ZBTB7C: variants seen among roughly 807,000 people sequenced by gnomAD.
ZBTB7C encodes zinc finger and BTB domain-containing protein 7C.
ZBTB7C carries 8 observed loss-of-function variants against 25.7 expected under a neutral mutation model. That is an observed-to-expected ratio of 0.31 (90% CI 0.18 to 0.56). The LOEUF is 0.56. ZBTB7C is among the 20% of genes least tolerant of loss of function. ZBTB7C has a pLI of 0.91. For missense variants in ZBTB7C, 824 were observed against 855.2 expected, an observed-to-expected ratio of 0.96 and a Z score of 0.46; for synonymous variants, 394 against 369.0, an observed-to-expected ratio of 1.07 and a Z score of -0.78.
At chr18:48,116,452 C>T (rs1359408735) in intron 3 of ZBTB7C, among the ~76,000 whole-genome samples, 1 of 152,222 alleles carries the variant, frequency 6.6e-6, no homozygotes, top group African/African-American at 2.4e-5. Context: ...TCCCATGCAT[C>T]CACACCAAAT....
Position 48,040,643 on chromosome 18 carries a change from CTCTTCGTCCTCCTCA to C in ZBTB7C, c.450_464del (p.Asp150_Glu154del), listed in dbSNP as rs757022072. The stretch of plus-strand genomic sequence containing the variant: ...CATCCTCCTCCTCTTCCTCCTCCTC[CTCTTCGTCCTCCTCA>C]TCATCATCATCTTCGTCGTCGTCAT... On this transcript the variant is annotated inframe_deletion, in exon 4 of 5. Transcript: ENST00000590800. 3.7e-6 allele frequency: 6 copies of C among 1,612,974 alleles called. No individual in the cohort carries two copies. In the African/African-American group the frequency reaches 4.0e-5, roughly 11 times the overall value.
chr18:48,107,104 GGAGAGAGGGGAA>G (rs1238455858), intron 3 of ZBTB7C, among the ~76,000 whole-genome samples: 6 of 151,014 alleles, frequency 4.0e-5, no homozygotes, highest in East Asian at 2.0e-4. Flanking sequence ...AGAGAGGGGA[GGAGAGAGGGGAA>G]GAGAGAGGGG....
At chr18:48,185,683 G>T (rs183202304) in intron 3 of ZBTB7C, among the ~76,000 whole-genome samples, 2 of 152,194 alleles carry the variant, frequency 1.3e-5, no homozygotes, top group East Asian at 3.9e-4. Context: ...TCGAGTCAAG[G>T]GAGTGACTCT....
intron 2 of ZBTB7C, among the ~76,000 whole-genome samples, chr18:48,304,557 C>T (rs1226577457): frequency 2.0e-5 from 3 of 152,192 alleles, no homozygotes; most frequent in African/African-American, 7.2e-5. Context: ...TGCCTGTAAT[C>T]CCAGCTACTC....
chr18:48,271,431 CAT>C (rs1452163346), intron 2 of ZBTB7C, among the ~76,000 whole-genome samples: 2 of 150,636 alleles, frequency 1.3e-5, no homozygotes, highest in African/African-American at 4.9e-5. Flanking sequence ...ATATCAAATA[CAT>C]ATTTATTTTA....
intron 2 of ZBTB7C, among the ~76,000 whole-genome samples, chr18:48,239,355 C>G (rs556684838): frequency 7.2e-4 from 109 of 152,288 alleles, no homozygotes; most frequent in African/African-American, 2.0e-3. Context: ...CTGATGCTCC[C>G]TTGAAAGTGC....
chr18:48,029,274 C>G lies in ZBTB7C; in HGVS notation c.1846G>C (p.Glu616Gln). 6.5e-7 allele frequency: 1 copy of G among 1,537,756 alleles called. No homozygotes were observed. Among genetic ancestry groups the G allele is most frequent in the Non-Finnish European group, 8.7e-7 (1 of 1,148,762 alleles). Residue 616 changes from glutamate (E) to glutamine (Q), a missense_variant, in exon 5 of 5, where the codon GAA becomes CAA. Around this residue, in one of 4 missense-constraint regions of ZBTB7C, gnomAD observed 342 missense variants for 307.0 expected, o/e 1.11. Transcript: ENST00000590800. ...CAGGGACCAGCCTAGTTGTTGGCTT[C>G]GGACATGGAGGCCACGTGGTTGAGG... Reference protein sequence around the residue: ...AGLNHVASMSEANN With the variant: ...AGLNHVASMSQANN
chr18:48,401,192 G>A lies in ZBTB7C; in HGVS notation c.-304+8034C>T, dbSNP rs1355855684. 2.6e-5 allele frequency among the ~76,000 whole-genome samples: 4 copies of A among 152,130 alleles called. 1 individual carries two copies. Among genetic ancestry groups the A allele is most frequent in the South Asian group, 4.1e-4 (2 of 4,824 alleles). ...TTTTATTCCCTGAGATAGGGTAGTCGCTTGGGGAGGAGAAGCAAGACAACA... is the reference window on the plus strand; with the variant it reads ...TTTTATTCCCTGAGATAGGGTAGTCACTTGGGGAGGAGAAGCAAGACAACA... On this transcript the variant is annotated intron_variant, in intron 1 of 4. Coordinates refer to ENST00000590800, the MANE Select transcript of ZBTB7C (RefSeq NM_001318841.2).
intron 2 of ZBTB7C, among the ~76,000 whole-genome samples, chr18:48,225,790 T>G (rs1351654046): frequency 6.6e-6 from 1 of 152,096 alleles, no homozygotes; most frequent in Non-Finnish European, 1.5e-5. Context: ...GTCACCAGGC[T>G]GGAGTGCAGT....
chr18:48,271,041 C>T (rs1268008119), intron 2 of ZBTB7C, among the ~76,000 whole-genome samples: 1 of 152,130 alleles, frequency 6.6e-6, no homozygotes, highest in East Asian at 1.9e-4. Context: ...ATAACTTTCT[C>T]AAGAAGAAAT....
At chr18:48,074,987 G>C (rs750283170) in intron 3 of ZBTB7C, among the ~76,000 whole-genome samples, 5 of 152,158 alleles carry the variant, frequency 3.3e-5, no homozygotes, top group Non-Finnish European at 5.9e-5. Context: ...GACTCCTCTA[G>C]TTAATTGAAC....
rs757520664 is a variant in ZBTB7C at position 48,389,189 on chromosome 18, ACTCTCTCTCTCTCT to A, written c.-304+20023_-304+20036del. 4.0e-3 allele frequency among the ~76,000 whole-genome samples: 259 copies of A among 64,110 alleles called. 1 individual carries two copies. The Middle Eastern group carries it at 0.043, about 11-fold the overall frequency. The allele number at this position is 64,110 out of a possible 152,430, so 42.1% of individuals were successfully genotyped here. A position where few individuals can be genotyped will look rare whatever the true frequency, so the allele number is the denominator to read the frequency against. ...ATGGAGTGATGTTCAGAGCCCTTTA[ACTCTCTCTCTCTCT>A]CTCTCTCTCTCTCTCTCTCTCTCTC... On this transcript the variant is annotated intron_variant, in intron 1 of 4. Coordinates refer to ENST00000590800, the MANE Select transcript of ZBTB7C (RefSeq NM_001318841.2).
chr18:48,387,354 T>C lies in ZBTB7C; in HGVS notation c.-304+21872A>G, dbSNP rs937156884. On this transcript the variant is annotated intron_variant, in intron 1 of 4. Coordinates refer to ENST00000590800, the MANE Select transcript of ZBTB7C (RefSeq NM_001318841.2). ...AGGAGGAGACCAGTAAGGAATGTAC[T>C]GCATTAATCTACCAAACCAGCCTCC... 5.9e-5 allele frequency among the ~76,000 whole-genome samples: 9 copies of C among 152,178 alleles called. No individual in the cohort carries two copies. The South Asian group carries it at 1.7e-3, about 28-fold the overall frequency.
intron 3 of ZBTB7C, among the ~76,000 whole-genome samples, chr18:48,049,513 T>A (rs896488305): frequency 6.6e-6 from 1 of 152,112 alleles, no homozygotes; most frequent in Non-Finnish European, 1.5e-5. Flanking sequence ...ATGAGATTGG[T>A]TCAAATAAAC....
At chr18:48,366,122 G>A (rs1474510720) in intron 1 of ZBTB7C, among the ~76,000 whole-genome samples, 1 of 152,206 alleles carries the variant, frequency 6.6e-6, no homozygotes, top group Non-Finnish European at 1.5e-5. Flanking sequence ...CCTCAATGCA[G>A]CCTACCCAGG....
chr18:48,118,523 A>G (rs2039522989), intron 3 of ZBTB7C, among the ~76,000 whole-genome samples: 1 of 152,224 alleles, frequency 6.6e-6, no homozygotes, highest in Non-Finnish European at 1.5e-5. Flanking sequence ...AAAGTTCATT[A>G]AGAAACCTGA....
rs35634878 is a variant in ZBTB7C at position 48,207,570 on chromosome 18, CATCTATCTATCT to C, written c.-78-21587_-78-21576del. Among the ~76,000 whole-genome samples the C allele has an allele frequency of 5.1e-3, 757 of 147,118 alleles. 6 individuals are homozygous for C. Among genetic ancestry groups the C allele is most frequent in the African/African-American group, 0.016 (623 of 39,818 alleles). ...TATCATCTATCTATCCACTGCCTAT[CATCTATCTATCT>C]ATCTATCTATCTATCTATCTATCTA... On this transcript the variant is annotated intron_variant, in intron 2 of 4. Transcript: ENST00000590800.
At chr18:48,235,645 C>T (rs1394827248) in intron 2 of ZBTB7C, among the ~76,000 whole-genome samples, 1 of 152,084 alleles carries the variant, frequency 6.6e-6, no homozygotes, top group African/African-American at 2.4e-5. Flanking sequence ...CCTTTGGTGA[C>T]TCTCCTTTAG....
chr18:48,087,744 G>C (rs975276183), intron 3 of ZBTB7C: 3 of 149,516 alleles, frequency 2.0e-5, no homozygotes, highest in Non-Finnish European at 4.4e-5. Flanking sequence ...GCAGTGAGCT[G>C]TGACTGTACT....
Sources: allele counts gnomAD v4.1 joint callset (sites outside exome capture counted in the v4.1 genomes callset), GRCh38; gene constraint gnomAD v4.1.1; regional missense constraint gnomAD v4.1.1; transcripts MANE v1.5; gene names NCBI Gene and HGNC (gene_info 2026-07-23, HGNC 2026-07-21).